STPG2: variants seen among roughly 807,000 people sequenced by gnomAD.
STPG2 encodes the protein sperm-tail PG-rich repeat-containing protein 2.
A neutral mutation model predicts 54.2 loss-of-function variants in STPG2; 56 were observed. The ratio of observed to expected loss-of-function variants is 1.03; its 90% CI spans 0.83 to 1.29. The LOEUF (loss-of-function observed/expected upper bound fraction) is 1.29, where lower values mean the gene tolerates loss of function less well. Among genes scored for constraint, STPG2 ranks in the 50% most tolerant of loss-of-function variants. The pLI is 0.00. For missense variants in STPG2, 596 were observed against 544.9 expected, an observed-to-expected ratio of 1.09 and a Z score of -0.93; for synonymous variants, 200 against 181.8, an observed-to-expected ratio of 1.10 and a Z score of -0.81.
intron 4 of STPG2, among the ~76,000 whole-genome samples, chr4:97,468,816 G>A (rs761192262): frequency 6.6e-6 from 1 of 152,032 alleles, no homozygotes; most frequent in Non-Finnish European, 1.5e-5. Context: ...GGCCTATGCA[G>A]TGGAATGGGA....
intron 3 of STPG2, among the ~76,000 whole-genome samples, chr4:98,125,524 A>G (rs1435011101): frequency 6.7e-6 from 1 of 149,376 alleles, no homozygotes; most frequent in African/African-American, 2.5e-5. Flanking sequence ...AACAGCAAAG[A>G]TGACAGCATG....
At chr4:97,642,536 G>A (rs1470089655) in intron 10 of STPG2, among the ~76,000 whole-genome samples, 3 of 151,256 alleles carry the variant, frequency 2.0e-5, no homozygotes, top group African/African-American at 7.3e-5. Context: ...CAGGACCAAG[G>A]AAGTGAAAAT....
At chr4:98,011,807 G>A (rs1735761137) in intron 5 of STPG2, among the ~76,000 whole-genome samples, 1 of 152,120 alleles carries the variant, frequency 6.6e-6, no homozygotes. Context: ...TGATGGGATT[G>A]TTTGTTTTTC....
chr4:98,044,962 T>A (rs1401254478), intron 5 of STPG2, among the ~76,000 whole-genome samples: 6 of 152,148 alleles, frequency 3.9e-5, no homozygotes, highest in African/African-American at 1.4e-4. Flanking sequence ...ATCCTAGGTC[T>A]GCCTCACCAT....
chr4:97,651,863 A>G (rs1722079314), intron 10 of STPG2, among the ~76,000 whole-genome samples: 1 of 152,032 alleles, frequency 6.6e-6, no homozygotes, highest in South Asian at 2.1e-4. Flanking sequence ...TTTTGAAAAC[A>G]TTGGATGTTG....
chr4:97,906,389 A>C (rs1731422467), intron 8 of STPG2, among the ~76,000 whole-genome samples: 1 of 152,218 alleles, frequency 6.6e-6, no homozygotes, highest in Non-Finnish European at 1.5e-5. Flanking sequence ...TTACCAACCA[A>C]AAAGAGTCCA....
At chr4:98,012,903 C>T (rs1007875746) in intron 5 of STPG2, among the ~76,000 whole-genome samples, 1 of 152,184 alleles carries the variant, frequency 6.6e-6, no homozygotes, top group Admixed American at 6.5e-5. Context: ...CAAAAAGAGA[C>T]AATTTGACTT....
At chr4:97,591,897 T>C (rs1446811262) in intron 10 of STPG2, among the ~76,000 whole-genome samples, 9 of 152,190 alleles carry the variant, frequency 5.9e-5, no homozygotes, top group African/African-American at 1.2e-4. Context: ...CTTAACTAGA[T>C]GTTCTTTTTA....
chr4:97,744,117 T>G (rs553795302), intron 9 of STPG2, among the ~76,000 whole-genome samples: 1 of 151,606 alleles, frequency 6.6e-6, no homozygotes, highest in South Asian at 2.1e-4. Context: ...ATCAGAGCTG[T>G]GTTATAGAAG....
At chr4:97,883,879 A>C (rs1203833939) in intron 8 of STPG2, among the ~76,000 whole-genome samples, 4 of 152,184 alleles carry the variant, frequency 2.6e-5, no homozygotes, top group Non-Finnish European at 5.9e-5. Context: ...ATTTTCAAAA[A>C]GTAATGATCA....
chr4:97,445,877 A>G (rs899509467), intron 4 of STPG2, among the ~76,000 whole-genome samples: 1 of 152,234 alleles, frequency 6.6e-6, no homozygotes, highest in Non-Finnish European at 1.5e-5. Context: ...TACAAAGCCA[A>G]TTAATGGTGT....
intron 4 of STPG2, among the ~76,000 whole-genome samples, chr4:97,514,228 G>A (rs1403350349): frequency 3.9e-5 from 6 of 152,102 alleles, no homozygotes; most frequent in South Asian, 2.1e-4. Flanking sequence ...ACGTCCCAGC[G>A]TCATGAATAT....
At chr4:97,916,529 A>G (rs1467377778) in intron 8 of STPG2, 1 of 152,528 alleles carries the variant, frequency 6.6e-6, no homozygotes, top group Non-Finnish European at 1.5e-5. Flanking sequence ...ATTTCTTTGT[A>G]TTGACCATAG....
chr4:97,683,647 C>A (rs965421140), intron 10 of STPG2, among the ~76,000 whole-genome samples: 87 of 151,510 alleles, frequency 5.7e-4, no homozygotes, highest in African/African-American at 1.9e-3. Context: ...CTACAAAAAA[C>A]CAAAGATAGC....
At chr4:97,920,781 A>G (rs1026034940) in intron 8 of STPG2, among the ~76,000 whole-genome samples, 1 of 152,178 alleles carries the variant, frequency 6.6e-6, no homozygotes, top group African/African-American at 2.4e-5. Context: ...ACACATAAGG[A>G]CTGTGGCAAC....
At chr4:97,856,072 C>CTT (rs1729324886) in intron 8 of STPG2, among the ~76,000 whole-genome samples, 1 of 151,920 alleles carries the variant, frequency 6.6e-6, no homozygotes, top group South Asian at 2.1e-4. Flanking sequence ...TACTGTAGCC[C>CTT]CGGACTATAG....
At chr4:98,020,448 AT>A (rs1736140728) in intron 5 of STPG2, among the ~76,000 whole-genome samples, 1 of 150,752 alleles carries the variant, frequency 6.6e-6, no homozygotes, top group South Asian at 2.1e-4. Flanking sequence ...TTTTGCCTCA[AT>A]GTTCATCAAG....
At chr4:97,806,402 G>C (rs897097540) in intron 9 of STPG2, among the ~76,000 whole-genome samples, 1 of 152,006 alleles carries the variant, frequency 6.6e-6, no homozygotes, top group African/African-American at 2.4e-5. Flanking sequence ...AAAAACAATC[G>C]CTTGGGTACC....
chr4:97,763,882 T>C (rs1004795424), intron 9 of STPG2, among the ~76,000 whole-genome samples: 12 of 152,190 alleles, frequency 7.9e-5, no homozygotes, highest in African/African-American at 2.9e-4. Context: ...ATCAGCCACA[T>C]TTTTATTGCA....
Sources: gnomAD v4.1 joint callset for allele counts (sites outside exome capture counted in the v4.1 genomes callset) on GRCh38, gnomAD v4.1.1 for gene constraint, MANE v1.5 for transcripts, NCBI Gene and HGNC (gene_info 2026-07-23, HGNC 2026-07-21) for gene names.